MGAT5B: variants seen among roughly 807,000 people sequenced by gnomAD.
MGAT5B encodes alpha-1,6-mannosylglycoprotein 6-beta-N-acetylglucosaminyltransferase B.
A neutral mutation model predicts 95.1 loss-of-function variants in MGAT5B; 54 were observed. The ratio of observed to expected loss-of-function variants is 0.57; its 90% confidence interval spans 0.46 to 0.71. The LOEUF (loss-of-function observed/expected upper bound fraction) is 0.71. Among genes scored for constraint, MGAT5B ranks in the 30% least tolerant of loss-of-function variants. The pLI is 0.00. For synonymous variants in MGAT5B, 464 were observed against 451.0 expected (o/e 1.03, Z -0.36); for missense variants, 935 against 1,088.6 (o/e 0.86, Z 1.99).
chr17:76,946,162 T>C (rs1970022195), intron 15 of MGAT5B: 1 of 497,280 alleles, frequency 2.0e-6, no homozygotes, highest in African/African-American at 2.0e-5. Flanking sequence ...GCCTTGTGGG[T>C]CCTGAGCCTG....
chr17:76,936,269 G>A (rs572153139), intron 12 of MGAT5B, among the ~76,000 whole-genome samples: 265 of 152,292 alleles, frequency 1.7e-3, no homozygotes, highest in African/African-American at 5.7e-3. Flanking sequence ...TTAGCCACGT[G>A]TGGTGGCGTG....
intron 3 of MGAT5B, among the ~76,000 whole-genome samples, chr17:76,898,508 G>A (rs1381957878): frequency 6.9e-6 from 1 of 144,370 alleles, no homozygotes. Context: ...TTTTTTTTTT[G>A]GCCAGGCTGG....
rs1445767964 is a variant in MGAT5B at position 76,912,290 on chromosome 17, A to G, written c.1025+6103A>G. Among the ~76,000 whole-genome samples the G allele has an allele frequency of 1.3e-5, 2 of 152,180 alleles. No homozygotes were observed. The highest frequency in any genetic ancestry group is 4.8e-5 in the African/African-American group (2 of 41,438). ...GCAACCACTGGGGGGCCCTGGGCAG[A>G]GTTCCCAGCGAGCAACCGCGAGCCC... On this transcript the variant is annotated intron_variant, in intron 8 of 17. Coordinates refer to ENST00000569840, the MANE Select transcript of MGAT5B (RefSeq NM_001199172.2). This position sits in a 1 kb window ranked among gnomAD's most constrained non-coding sequence, Gnocchi z 5.0.
chr17:76,918,253 A>G lies in MGAT5B; in HGVS notation c.1026-6713A>G, dbSNP rs1969009462. Among the ~76,000 whole-genome samples, 1 of 151,982 alleles carries G rather than the reference A, an allele frequency of 6.6e-6. No individual in the cohort carries two copies. Among genetic ancestry groups the G allele is most frequent in the Admixed American group, 6.6e-5 (1 of 15,266 alleles). On this transcript the variant is annotated intron_variant, in intron 8 of 17. Coordinates refer to ENST00000569840, the MANE Select transcript of MGAT5B (RefSeq NM_001199172.2). This position sits in a 1 kb window ranked among gnomAD's most constrained non-coding sequence, Gnocchi z 5.1. The stretch of plus-strand genomic sequence containing the variant: ...CCCATGCTTTGTGGTAGCTTCGGCT[A>G]AAGAGCACCCAGACTGTGCCTCCAT...
Position 76,944,031 on chromosome 17 carries a change from C to T in MGAT5B, c.1849-2345C>T, listed in dbSNP as rs1240803409. ...GGTTTGCCTGTGGACATCTCTGTGT[C>T]CAGAGCAAGGCCATTCAAGGTGATG... is the stretch of plus-strand genomic sequence containing the variant. On this transcript the variant is annotated intron_variant, in intron 15 of 17. Transcript: ENST00000569840. 2.6e-5 allele frequency: 4 copies of T among 152,390 alleles called. No individual in the cohort carries two copies. In the East Asian group the frequency reaches 7.7e-4, roughly 29 times the overall value. The allele number at this position is 152,390 out of a possible 1,614,324, so 9.4% of individuals were successfully genotyped here.
chr17:76,916,022 CG>C lies in MGAT5B; in HGVS notation c.1026-8943del, dbSNP rs1968921221. On this transcript the variant is annotated intron_variant, in intron 8 of 17. Transcript: ENST00000569840. This position sits in a 1 kb window ranked among gnomAD's most constrained non-coding sequence, Gnocchi z 5.3. Reference sequence around the variant, plus strand: ...AGAGAGGGAGCAGGCGCCGGCATGCCGAGTGTGGCGGGGTCACGTTGAGTGC... The same window carrying C: ...AGAGAGGGAGCAGGCGCCGGCATGCCAGTGTGGCGGGGTCACGTTGAGTGC... 1.3e-5 allele frequency among the ~76,000 whole-genome samples: 2 copies of C among 152,210 alleles called. No individual in the cohort carries two copies. The highest frequency in any genetic ancestry group is 4.1e-4 in the South Asian group (2 of 4,830).
chr17:76,948,904 C>T lies in MGAT5B; in HGVS notation c.*66C>T. On this transcript the variant is annotated 3_prime_UTR_variant, in exon 18 of 18. Transcript: ENST00000569840. ...CTCCTGCCGCGGGAGAAAGCACCAGCAGGTTCTGAGCCCTGGCTGCTTGTC... is the reference window on the plus strand; with the variant it reads ...CTCCTGCCGCGGGAGAAAGCACCAGTAGGTTCTGAGCCCTGGCTGCTTGTC... 1 of 1,479,052 alleles carries T rather than the reference C, an allele frequency of 6.8e-7. No homozygotes were observed. Among genetic ancestry groups the T allele is most frequent in the Non-Finnish European group, 9.1e-7 (1 of 1,103,276 alleles). 91.6% of individuals were successfully genotyped at this position (1,479,052 alleles called of 1,614,324 possible).
At chr17:76,928,697 T>C (rs533426556) in intron 10 of MGAT5B, among the ~76,000 whole-genome samples, 1 of 151,342 alleles carries the variant, frequency 6.6e-6, no homozygotes, top group South Asian at 2.1e-4. Flanking sequence ...AGAGCAAGAT[T>C]CTGTCTTGGG....
At chr17:76,909,772 T>G (rs1968666727) in intron 8 of MGAT5B, among the ~76,000 whole-genome samples, 1 of 152,196 alleles carries the variant, frequency 6.6e-6, no homozygotes, top group African/African-American at 2.4e-5. Flanking sequence ...ATTGTGTTGC[T>G]TAGGAGGCCA....
At chr17:76,877,723 G>A (rs1331511090) in intron 2 of MGAT5B, among the ~76,000 whole-genome samples, 3 of 152,176 alleles carry the variant, frequency 2.0e-5, no homozygotes, top group African/African-American at 7.2e-5. Flanking sequence ...CCAGCTGCAC[G>A]AACACCCAGT....
chr17:76,939,029 GGTGTGTGTGTGT>G (rs372571720), intron 13 of MGAT5B, among the ~76,000 whole-genome samples: 57 of 128,258 alleles, frequency 4.4e-4, no homozygotes, highest in Non-Finnish European at 7.2e-4. Context: ...GCATCTTGGG[GGTGTGTGTGTGT>G]GTGTGTGTGT....
intron 13 of MGAT5B, among the ~76,000 whole-genome samples, chr17:76,939,027 GGGGTGTGTGTGTGTGT>G (rs1426042751): frequency 4.1e-5 from 4 of 97,236 alleles, no homozygotes; most frequent in East Asian, 2.8e-4. Flanking sequence ...AGGCATCTTG[GGGGTGTGTGTGTGTGT>G]GTGTGTGTGT....
At chr17:76,888,696 G>A (rs1967755808) in intron 3 of MGAT5B, among the ~76,000 whole-genome samples, 1 of 152,156 alleles carries the variant, frequency 6.6e-6, no homozygotes, top group Non-Finnish European at 1.5e-5. Flanking sequence ...AAGGGGCTGA[G>A]CCTCAGGGGC....
In MGAT5B at chr17:76,906,328, G is replaced by T. The variant is rs928820932; in HGVS notation, c.1025+141G>T. 3 of 732,756 alleles carry T rather than the reference G, an allele frequency of 4.1e-6. No homozygotes were observed. Among genetic ancestry groups the T allele is most frequent in the Non-Finnish European group, 6.4e-6 (3 of 471,448 alleles). 45.4% of individuals were successfully genotyped at this position (732,756 alleles called of 1,614,324 possible). ...CCCTGAGACCCTGGGAGACATCCTG[G>T]TGTTCCGCAGGACATCACCACTCCT... On this transcript the variant is annotated intron_variant, in intron 8 of 17. Transcript: ENST00000569840. The surrounding 1 kb of genome is among the most constrained non-coding windows in gnomAD (Gnocchi z 4.6).
At position 76,914,352 on chromosome 17, in the gene MGAT5B, C is replaced by T. The variant is rs776060178; in HGVS notation, c.1025+8165C>T. Among the ~76,000 whole-genome samples, 2 of 152,178 alleles carry T rather than the reference C, an allele frequency of 1.3e-5. No homozygotes were observed. The highest frequency in any genetic ancestry group is 2.9e-5 in the Non-Finnish European group (2 of 68,044). On this transcript the variant is annotated intron_variant, in intron 8 of 17. Coordinates refer to ENST00000569840, the MANE Select transcript of MGAT5B (RefSeq NM_001199172.2). This position sits in a 1 kb window ranked among gnomAD's most constrained non-coding sequence, Gnocchi z 5.1. ...CCAGGAGCCGGGAGGAGAAAGAGCG[C>T]AGGAGCAGGGGTTACAGAATCGCAG...
chr17:76,924,810 C>T lies in MGAT5B; in HGVS notation c.1026-156C>T, dbSNP rs117234448. Among the ~76,000 whole-genome samples, 89 of 152,286 alleles carry T rather than the reference C, an allele frequency of 5.8e-4. No individual in the cohort carries two copies. In the East Asian group the frequency reaches 9.9e-3, roughly 17 times the overall value. On this transcript the variant is annotated intron_variant, in intron 8 of 17. Coordinates refer to ENST00000569840, the MANE Select transcript of MGAT5B (RefSeq NM_001199172.2). ...ATTGCCTTGTGCAGTGAAAAACCTA[C>T]GTTACCGTACAGGGCCATCCTGCTC...
chr17:76,872,911 C>T lies in MGAT5B; in HGVS notation c.129C>T (p.Gly43=). The T allele has an allele frequency of 1.9e-6, 3 of 1,614,210 alleles. No homozygotes were observed. Among genetic ancestry groups the T allele is most frequent in the Middle Eastern group, 1.7e-4 (1 of 6,060 alleles). ...GCTTCCTGATGACGTCTCTGGGAGG[C>T]CAGTTCTCGGCCCGGCGCCTGGGGG... is the stretch of plus-strand genomic sequence containing the variant. ...TLCFLMTSLG[G]QFSARRLGDS... is the part of the protein sequence containing the mutation. The change falls in exon 2 of 18, where the codon GGC becomes GGT. Residue 43 remains glycine (G), a synonymous_variant. Coordinates refer to ENST00000569840, the MANE Select transcript of MGAT5B (RefSeq NM_001199172.2).
At chr17:76,901,367 T>G (rs1968310814) in intron 3 of MGAT5B, among the ~76,000 whole-genome samples, 1 of 145,880 alleles carries the variant, frequency 6.9e-6, no homozygotes. Flanking sequence ...AGCCACGGGG[T>G]GAGGTGAGAA....
Position 76,887,502 on chromosome 17 carries a change from TCTCC to T in MGAT5B, c.329+5231_329+5234del, listed in dbSNP as rs869081945. On this transcript the variant is annotated intron_variant, in intron 3 of 17. Coordinates refer to ENST00000569840, the MANE Select transcript of MGAT5B (RefSeq NM_001199172.2). ...CCCTCCCTCCCTCCCTCCCTTCCTCTCTCCCTCCCTCCCTCCCTCCCTCCCTCCC... is the reference window on the plus strand; with the variant it reads ...CCCTCCCTCCCTCCCTCCCTTCCTCTCTCCCTCCCTCCCTCCCTCCCTCCC... Among the ~76,000 whole-genome samples the T allele has an allele frequency of 9.1e-3, 293 of 32,098 alleles. 2 individuals are homozygous for T. The highest frequency in any genetic ancestry group is 0.012 in the Non-Finnish European group (213 of 17,970). The allele number at this position is 32,098 out of a possible 152,430, so 21.1% of individuals were successfully genotyped here. A position where few individuals can be genotyped will look rare whatever the true frequency, so the allele number is the denominator to read the frequency against.
Sources: allele counts gnomAD v4.1 joint callset (sites outside exome capture counted in the v4.1 genomes callset), GRCh38; gene constraint gnomAD v4.1.1; non-coding constraint Gnocchi (gnomAD v3.1); transcripts MANE v1.5; gene names NCBI Gene and HGNC (gene_info 2026-07-23, HGNC 2026-07-21).